The following ERN1 variants were observed in gnomAD, a reference collection of about 807,000 sequenced individuals.
The protein encoded by ERN1 is serine/threonine-protein kinase/endoribonuclease IRE1.
Under a neutral mutation model 113.1 loss-of-function variants are expected in ERN1, and 39 were observed. The observed-to-expected ratio is 0.34, with a 90% CI of 0.27 to 0.45. The LOEUF (loss-of-function observed/expected upper bound fraction) is 0.45, where lower values mean the gene tolerates loss of function less well. Among genes scored for constraint, ERN1 ranks in the 20% least tolerant of loss-of-function variants. ERN1 has a pLI of 1.00. For synonymous variants in ERN1, 507 were observed against 515.9 expected, an observed-to-expected ratio of 0.98 and a Z score of 0.23; for missense variants, 976 against 1,274.8, an observed-to-expected ratio of 0.77 and a Z score of 3.57.
At chr17:64,076,059 T>C (rs865790120) in intron 4 of ERN1, among the ~76,000 whole-genome samples, 10 of 152,172 alleles carry the variant, frequency 6.6e-5, no homozygotes, top group Non-Finnish European at 1.3e-4. Context: ...AAAGAGGAAG[T>C]TAAGATAGGT....
intron 2 of ERN1, among the ~76,000 whole-genome samples, chr17:64,097,018 T>C (rs879686492): frequency 6.6e-5 from 10 of 152,234 alleles, no homozygotes; most frequent in Non-Finnish European, 1.2e-4. Flanking sequence ...AAGGACTCTG[T>C]TTCATTTTAA....
chr17:64,089,550 C>T (rs1210172332), intron 2 of ERN1, among the ~76,000 whole-genome samples: 1 of 152,064 alleles, frequency 6.6e-6, no homozygotes, highest in East Asian at 1.9e-4. Flanking sequence ...ATCAGAAACA[C>T]TTCAGGTCCC....
rs916756932 is a variant in ERN1, at chr17:64,040,719, G to A, written c.*3269C>T. The A allele has an allele frequency of 4.6e-5, 7 of 152,160 alleles. No individual in the cohort carries two copies. Among genetic ancestry groups the A allele is most frequent in the Non-Finnish European group, 8.8e-5 (6 of 68,056 alleles). The allele number at this position is 152,160 out of a possible 1,614,324, so 9.4% of individuals were successfully genotyped here. ...CTGACCACCACTGCACTGAGAACACGGCGGGAGTGAGAACACCTGCGCACC... is the reference window on the plus strand; with the variant it reads ...CTGACCACCACTGCACTGAGAACACAGCGGGAGTGAGAACACCTGCGCACC... On this transcript the variant is annotated 3_prime_UTR_variant, in exon 22 of 22. Transcript: ENST00000433197.
intron 1 of ERN1, among the ~76,000 whole-genome samples, chr17:64,124,005 T>C (rs1652757008): frequency 1.3e-5 from 2 of 152,194 alleles, no homozygotes; most frequent in Admixed American, 1.3e-4. Context: ...GTCAAGATAT[T>C]AGATTAGTTA....
intron 1 of ERN1, among the ~76,000 whole-genome samples, chr17:64,126,858 T>TA (rs55798737): frequency 5.3e-5 from 8 of 152,058 alleles, no homozygotes; most frequent in African/African-American, 1.9e-4. Context: ...GGTGACTTTT[T>TA]AAAAACCTCC....
chr17:64,060,981 G>A (rs1389577345), intron 10 of ERN1, among the ~76,000 whole-genome samples: 1 of 152,104 alleles, frequency 6.6e-6, no homozygotes, highest in Admixed American at 6.5e-5. Context: ...CTCTTCTATG[G>A]CCGCCGAATT....
chr17:64,065,097 A>T, intron 9 of ERN1, 112 bp downstream of exon 9: 1 of 667,334 alleles, frequency 1.5e-6, no homozygotes, highest in East Asian at 3.0e-5. Context: ...AGAACTTAAG[A>T]TTTGTGTTTT....
intron 2 of ERN1, among the ~76,000 whole-genome samples, chr17:64,082,839 T>C (rs1460136044): frequency 2.3e-5 from 3 of 132,414 alleles, no homozygotes; most frequent in African/African-American, 1.1e-4. Context: ...CATTGGTGTT[T>C]AAGAACTGTG....
chr17:64,107,890 C>CTG (rs1302057783), intron 1 of ERN1, among the ~76,000 whole-genome samples: 1 of 152,270 alleles, frequency 6.6e-6, no homozygotes, highest in East Asian at 1.9e-4. Context: ...CTTCGTTTAC[C>CTG]TGTGTGTAGG....
chr17:64,069,697 T>C (rs1319847557), intron 6 of ERN1, among the ~76,000 whole-genome samples: 1 of 152,240 alleles, frequency 6.6e-6, no homozygotes, highest in African/African-American at 2.4e-5. Context: ...ATCCTGTCTC[T>C]GTCTCACCAC....
At chr17:64,111,680 C>T (rs1218532231) in intron 1 of ERN1, among the ~76,000 whole-genome samples, 1 of 152,148 alleles carries the variant, frequency 6.6e-6, no homozygotes, top group Admixed American at 6.5e-5. Context: ...TTATTGCCAT[C>T]TTCTCTAGGT....
Position 64,042,802 on chromosome 17 carries a change from C to T in ERN1, c.*1186G>A, listed in dbSNP as rs578244096. ...AGAGAATGTTCTATACATGAACACT[C>T]TTGAGGGGATGGTGATTTTTGGTAC... On this transcript the variant is annotated 3_prime_UTR_variant, in exon 22 of 22. Coordinates refer to ENST00000433197, the MANE Select transcript of ERN1 (RefSeq NM_001433.5). 1 of 152,288 alleles carries T rather than the reference C, an allele frequency of 6.6e-6. No homozygotes were observed. Among genetic ancestry groups the T allele is most frequent in the Admixed American group, 6.5e-5 (1 of 15,302 alleles). The allele number at this position is 152,288 out of a possible 1,614,324, so 9.4% of individuals were successfully genotyped here.
chr17:64,074,735 G>A (rs1823096653), intron 5 of ERN1, among the ~76,000 whole-genome samples: 2 of 152,234 alleles, frequency 1.3e-5, no homozygotes, highest in African/African-American at 4.8e-5. Flanking sequence ...GACCCCATAG[G>A]TATGAAGGCA....
chr17:64,069,011 T>A (rs1406296625), intron 6 of ERN1, among the ~76,000 whole-genome samples: 1 of 152,182 alleles, frequency 6.6e-6, no homozygotes, highest in Admixed American at 6.5e-5. Context: ...GGTCCAGGAC[T>A]GAATATCGCT....
At chr17:64,065,470 T>G (rs954754166) in intron 8 of ERN1, among the ~76,000 whole-genome samples, 183 bp from the exon 9 acceptor site, 1 of 152,118 alleles carries the variant, frequency 6.6e-6, no homozygotes, top group Non-Finnish European at 1.5e-5. Context: ...CAGGACTTCA[T>G]CCCAGCTGTC....
intron 2 of ERN1, among the ~76,000 whole-genome samples, chr17:64,091,777 G>T (rs942782632): frequency 5.3e-5 from 8 of 152,158 alleles, no homozygotes; most frequent in Non-Finnish European, 1.2e-4. Flanking sequence ...CGGGGGGGCG[G>T]CGGTGAGAGA....
Position 64,130,139 on chromosome 17 carries a change from G to C in ERN1, c.-110C>G, listed in dbSNP as rs1915204596. 5.0e-6 allele frequency: 5 copies of C among 993,946 alleles called. No homozygotes were observed. The highest frequency in any genetic ancestry group is 3.4e-5 in the African/African-American group (2 of 59,100). 61.6% of individuals were successfully genotyped at this position (993,946 alleles called of 1,614,324 possible). A position where few individuals can be genotyped will look rare whatever the true frequency, so the allele number is the denominator to read the frequency against. On this transcript the variant is annotated 5_prime_UTR_variant, in exon 1 of 22. Coordinates refer to ENST00000433197, the MANE Select transcript of ERN1 (RefSeq NM_001433.5). This position sits in a 1 kb window ranked among gnomAD's most constrained non-coding sequence, Gnocchi z 4.0. ...GCCTCAGCGGACGCAGAACTGACTA[G>C]GCAGCGGCGGCACCCCCATTCCCGG...
At chr17:64,094,834 G>A (rs1296214275) in intron 2 of ERN1, among the ~76,000 whole-genome samples, 2 of 151,968 alleles carry the variant, frequency 1.3e-5, no homozygotes, top group East Asian at 3.9e-4. Flanking sequence ...TCACTACTAA[G>A]TAACTGATTT....
chr17:64,057,307 A>G (rs996415571), intron 12 of ERN1, among the ~76,000 whole-genome samples: 1 of 152,216 alleles, frequency 6.6e-6, no homozygotes, highest in Non-Finnish European at 1.5e-5. Flanking sequence ...CTTTTCTGGG[A>G]GGCTAGTGTC....
Sources: allele counts gnomAD v4.1 joint callset (sites outside exome capture counted in the v4.1 genomes callset), GRCh38; gene constraint gnomAD v4.1.1; non-coding constraint Gnocchi (gnomAD v3.1); transcripts MANE v1.5; gene names NCBI Gene and HGNC (gene_info 2026-07-23, HGNC 2026-07-21).